Variants in MDGA2 observed in about 807,000 individuals in gnomAD.
MDGA2 encodes the protein MAM domain-containing glycosylphosphatidylinositol anchor protein 2.
A neutral mutation model predicts 117.8 loss-of-function variants in MDGA2; 40 were observed. The observed-to-expected ratio is 0.34, with a 90% confidence interval of 0.26 to 0.44. The LOEUF (loss-of-function observed/expected upper bound fraction) is 0.44. Ranked by LOEUF, MDGA2 falls within the 20% of genes least tolerant of loss-of-function variation. The pLI, the probability that MDGA2 is intolerant of heterozygous loss-of-function variation, is 1.00. For missense variants in MDGA2, 1,123 were observed against 1,250.6 expected, an observed-to-expected ratio of 0.90 and a Z score of 1.54; for synonymous variants, 452 against 439.0, an observed-to-expected ratio of 1.03 and a Z score of -0.37.
chr14:47,326,765 G>T (rs1375646588), intron 1 of MDGA2, among the ~76,000 whole-genome samples: 1 of 151,964 alleles, frequency 6.6e-6, no homozygotes, highest in Admixed American at 6.6e-5. Flanking sequence ...CAGGGAAATT[G>T]GTTATGGCTT....
chr14:47,395,746 G>A (rs1460310860), intron 1 of MDGA2, among the ~76,000 whole-genome samples: 1 of 152,030 alleles, frequency 6.6e-6, no homozygotes, highest in African/African-American at 2.4e-5. Flanking sequence ...TCTTAATAAA[G>A]TATAGGAGCT....
At chr14:47,034,966 T>C in intron 8 of MDGA2, 45 bp downstream of exon 8, 1 of 1,532,390 alleles carries the variant, frequency 6.5e-7, no homozygotes, top group African/African-American at 1.4e-5. Context: ...GTAACACTTC[T>C]TCCCTTGTCC....
intron 15 of MDGA2, among the ~76,000 whole-genome samples, chr14:46,853,795 A>G (rs1881156330): frequency 6.6e-6 from 1 of 151,728 alleles, no homozygotes; most frequent in East Asian, 1.9e-4. Context: ...TTAGAAAAAA[A>G]TTGCTTTTTA....
rs140902306 is a variant in MDGA2 at position 47,237,388 on chromosome 14, G to T, written c.421-19193C>A. On this transcript the variant is annotated intron_variant, in intron 2 of 16. Transcript: ENST00000399232. Reference sequence around the variant, plus strand: ...AATGCAAACTTACCTTTATACCTCTGAATTCACCTGAGACAATGCAGTAGA... The same window carrying T: ...AATGCAAACTTACCTTTATACCTCTTAATTCACCTGAGACAATGCAGTAGA... 2.2e-3 allele frequency among the ~76,000 whole-genome samples: 336 copies of T among 152,152 alleles called. 2 individuals carry two copies. The highest frequency in any genetic ancestry group is 7.6e-3 in the African/African-American group (316 of 41,510).
intron 9 of MDGA2, among the ~76,000 whole-genome samples, chr14:46,939,523 A>T (rs1426629975): frequency 1.3e-5 from 2 of 152,220 alleles, no homozygotes; most frequent in Non-Finnish European, 2.9e-5. Flanking sequence ...TACTAAAAAT[A>T]GCAGTTTCTA....
intron 8 of MDGA2, among the ~76,000 whole-genome samples, chr14:47,002,429 T>C (rs542116804): frequency 6.6e-6 from 1 of 152,066 alleles, no homozygotes; most frequent in Non-Finnish European, 1.5e-5. Context: ...ACTTATCTCT[T>C]ACATTAAAAA....
At position 47,447,554 on chromosome 14, in the gene MDGA2, G is replaced by A. The variant is rs181543123; in HGVS notation, c.281-146004C>T. On this transcript the variant is annotated intron_variant, in intron 1 of 16. Transcript: ENST00000399232. ...GGAGACACAGCAATAAACTTCTCTA[G>A]CTGGTCATTTATGATGGCAATTCTT... Among the ~76,000 whole-genome samples the A allele has an allele frequency of 1.3e-4, 20 of 152,238 alleles. No homozygotes were observed. The East Asian group carries it at 3.1e-3, about 24-fold the overall frequency.
intron 5 of MDGA2, among the ~76,000 whole-genome samples, chr14:47,102,239 T>A (rs1294382004): frequency 6.6e-6 from 1 of 151,864 alleles, no homozygotes; most frequent in East Asian, 1.9e-4. Flanking sequence ...AACAATTGTA[T>A]AAACCTGCCA....
Position 47,436,089 on chromosome 14 carries a change from A to G in MDGA2, c.281-134539T>C, listed in dbSNP as rs1327657441. 2.0e-5 allele frequency among the ~76,000 whole-genome samples: 3 copies of G among 152,124 alleles called. No homozygotes were observed. The East Asian group carries it at 5.8e-4, about 29-fold the overall frequency. On this transcript the variant is annotated intron_variant, in intron 1 of 16. Coordinates refer to ENST00000399232, the MANE Select transcript of MDGA2 (RefSeq NM_001113498.3). ...TCTGTGCACCCAAAACTTCAATAGT[A>G]AAGTCCATAGGTTATAGTTGTCTAC...
chr14:47,183,422 G>C (rs567195738), intron 3 of MDGA2, among the ~76,000 whole-genome samples: 1 of 151,982 alleles, frequency 6.6e-6, no homozygotes, highest in Non-Finnish European at 1.5e-5. Flanking sequence ...TTCCAATTTT[G>C]ACATTTCAAT....
intron 2 of MDGA2, among the ~76,000 whole-genome samples, chr14:47,277,101 C>G (rs1157801801): frequency 6.6e-6 from 1 of 152,152 alleles, no homozygotes; most frequent in Non-Finnish European, 1.5e-5. Context: ...TATGAAGGAT[C>G]AGGCTGAAGC....
At chr14:47,334,702 T>C (rs1890390559) in intron 1 of MDGA2, among the ~76,000 whole-genome samples, 1 of 151,970 alleles carries the variant, frequency 6.6e-6, no homozygotes, top group Non-Finnish European at 1.5e-5. Flanking sequence ...AAAGATGTTA[T>C]TGATATCTCT....
chr14:46,902,546 C>G (rs1221650304), intron 10 of MDGA2, among the ~76,000 whole-genome samples: 1 of 151,984 alleles, frequency 6.6e-6, no homozygotes, highest in Non-Finnish European at 1.5e-5. Context: ...CTTTTCTATG[C>G]TAAGAGAAAT....
chr14:46,985,555 T>C (rs1314294339), intron 8 of MDGA2, among the ~76,000 whole-genome samples: 1 of 152,054 alleles, frequency 6.6e-6, no homozygotes, highest in East Asian at 1.9e-4. Flanking sequence ...AATACTGTGC[T>C]GTCAAAAAGA....
intron 2 of MDGA2, among the ~76,000 whole-genome samples, chr14:47,244,122 G>T (rs900906691): frequency 6.6e-6 from 1 of 151,608 alleles, no homozygotes; most frequent in African/African-American, 2.4e-5. Flanking sequence ...TACCTGTTTT[G>T]TTAATTATTT....
Position 47,661,380 on chromosome 14 carries a change from G to A in MDGA2, c.280+13137C>T, listed in dbSNP as rs546307743. ...AAGGTGTGGCATACAGTAGGCACTT[G>A]ATAAATGGCAATTATTTTATGAAAA... On this transcript the variant is annotated intron_variant, in intron 1 of 16. Transcript: ENST00000399232. Among the ~76,000 whole-genome samples, 8 of 152,186 alleles carry A rather than the reference G, an allele frequency of 5.3e-5. 1 individual carries two copies. The highest frequency in any genetic ancestry group is 1.9e-4 in the African/African-American group (8 of 41,534).
intron 1 of MDGA2, among the ~76,000 whole-genome samples, chr14:47,398,530 G>C (rs1326655160): frequency 6.6e-6 from 1 of 152,090 alleles, no homozygotes; most frequent in Non-Finnish European, 1.5e-5. Context: ...TATTTGATGA[G>C]GGCTTTATAA....
chr14:46,868,604 C>T (rs1325653146), intron 14 of MDGA2, among the ~76,000 whole-genome samples: 3 of 151,910 alleles, frequency 2.0e-5, no homozygotes, highest in Non-Finnish European at 2.9e-5. Context: ...AAGCTATGGA[C>T]TTTTTAAAAA....
intron 12 of MDGA2, among the ~76,000 whole-genome samples, chr14:46,875,303 T>C (rs1054279839): frequency 1.3e-5 from 2 of 151,804 alleles, no homozygotes. Context: ...TGTACCTGAA[T>C]TAATTGAAAA....
Sources: gnomAD v4.1 joint callset for allele counts (sites outside exome capture counted in the v4.1 genomes callset) on GRCh38, gnomAD v4.1.1 for gene constraint, MANE v1.5 for transcripts, NCBI Gene and HGNC (gene_info 2026-07-23, HGNC 2026-07-21) for gene names.